LBHD1: variants seen among roughly 807,000 people sequenced by gnomAD.
LBHD1 encodes LBH domain-containing protein 1.
LBHD1 carries 28 observed loss-of-function variants against 31.1 expected under a neutral mutation model. That is an observed-to-expected ratio of 0.90 (90% confidence interval 0.67 to 1.24). The LOEUF is 1.24. Ranked by LOEUF, LBHD1 falls within the 50% of genes most tolerant of loss-of-function variation. The pLI is 0.00. For synonymous variants in LBHD1, 105 were observed against 116.5 expected (o/e 0.90, Z 0.63); for missense variants, 350 against 323.0 (o/e 1.08, Z -0.64).
At chr11:62,664,371 C>T (rs1314274364) in intron 5 of LBHD1, among the ~76,000 whole-genome samples, 3 of 144,952 alleles carry the variant, frequency 2.1e-5, no homozygotes, top group African/African-American at 7.7e-5. Context: ...CACTCTGTGG[C>T]CCAGGCTGGA....
rs544901596 is a variant in LBHD1, at chr11:62,666,682, C to T, written c.538+841G>A. On this transcript the variant is annotated intron_variant, in intron 4 of 6. Transcript: ENST00000354588. ...CTGTGGCTGTGGCCCACATGAATAG[C>T]CTCCTGGAGGGTGGCCCAGGCCAAA... is the stretch of plus-strand genomic sequence containing the variant. The T allele has an allele frequency of 1.5e-4, 236 of 1,614,106 alleles. 1 individual carries two copies. The South Asian group carries it at 2.5e-3, about 17-fold the overall frequency.
rs900832448 is a variant in LBHD1 at position 62,672,194 on chromosome 11, G to C, written c.-641C>G. 20 of 1,418,078 alleles carry C rather than the reference G, an allele frequency of 1.4e-5. No individual in the cohort carries two copies. The African/African-American group carries it at 2.4e-4, about 17-fold the overall frequency. 87.8% of individuals were successfully genotyped at this position (1,418,078 alleles called of 1,614,324 possible). A position where few individuals can be genotyped will look rare whatever the true frequency, so the allele number is the denominator to read the frequency against. Reference sequence around the variant, plus strand: ...GCAGCCTTTCTCCTTCGTGGGCCCAGCGGAGAGTCCGGACCGAGATACCAT... The same window carrying C: ...GCAGCCTTTCTCCTTCGTGGGCCCACCGGAGAGTCCGGACCGAGATACCAT... On this transcript the variant is annotated 5_prime_UTR_variant, in exon 1 of 7. Transcript: ENST00000354588.
chr11:62,669,299 A>C (rs1944896738), intron 3 of LBHD1: 1 of 675,628 alleles, frequency 1.5e-6, no homozygotes, highest in Non-Finnish European at 1.8e-6. Context: ...TGGGAGGCTG[A>C]GGCAGGAGAA....
intron 4 of LBHD1, chr11:62,666,723 G>T (rs759310093): frequency 2.5e-6 from 4 of 1,613,916 alleles, no homozygotes; most frequent in Admixed American, 1.7e-5. Flanking sequence ...CTATGCCCTG[G>T]ACACCCTGCC....
intron 4 of LBHD1, 50 bp from the exon 5 acceptor site, chr11:62,665,023 G>A (rs1045482802): frequency 6.9e-6 from 11 of 1,600,180 alleles, no homozygotes; most frequent in Admixed American, 1.7e-5. Context: ...GCCGCGACCC[G>A]GGGCCCCTCC....
At chr11:62,667,486 TG>T (rs1279378316) in intron 4 of LBHD1, 36 bp downstream of exon 4, 23 of 1,599,416 alleles carry the variant, frequency 1.4e-5, no homozygotes, top group Non-Finnish European at 1.8e-5. Flanking sequence ...TTCATAAACC[TG>T]GATGAGATAT....
intron 6 of LBHD1, 21 bp downstream of exon 6, chr11:62,663,215 C>T (rs1277119680): frequency 6.2e-7 from 1 of 1,613,834 alleles, no homozygotes; most frequent in Admixed American, 1.7e-5. Context: ...TTCCCCTCAC[C>T]CACCTCTGTC....
At chr11:62,666,131 TG>T in intron 4 of LBHD1, 1 of 796,162 alleles carries the variant, frequency 1.3e-6, no homozygotes. Context: ...GCAGATCGCT[TG>T]GCCCAGGAGT....
At chr11:62,665,441 A>G (rs1590847421) in intron 4 of LBHD1, 1 of 1,551,322 alleles carries the variant, frequency 6.4e-7, no homozygotes, top group Non-Finnish European at 8.7e-7. Context: ...CTTGGCGGGG[A>G]TCGGGCTTGT....
intron 1 of LBHD1, 38 bp from the exon 2 acceptor site, chr11:62,670,079 T>C (rs369556962): frequency 2.6e-6 from 4 of 1,546,134 alleles, no homozygotes; most frequent in African/African-American, 1.4e-5. Context: ...AGGAGAGTAC[T>C]GCTGCCCAGT....
At chr11:62,665,700 G>T (rs1381751263) in intron 4 of LBHD1, 6 of 1,459,842 alleles carry the variant, frequency 4.1e-6, no homozygotes, top group African/African-American at 2.8e-5. Context: ...AATAAAGGCC[G>T]TTCCTACCAT....
At position 62,671,605 on chromosome 11, in the gene LBHD1, A is replaced by AGGT; in HGVS notation, c.-55_-53dup. 2.0e-6 allele frequency: 3 copies of AGGT among 1,493,346 alleles called. No homozygotes were observed. The highest frequency in any genetic ancestry group is 2.7e-6 in the Non-Finnish European group (3 of 1,129,744). 92.5% of individuals were successfully genotyped at this position (1,493,346 alleles called of 1,614,324 possible). A position where few individuals can be genotyped will look rare whatever the true frequency, so the allele number is the denominator to read the frequency against. ...CCGGATTCCAAACGTTTCCTCGAGC[A>AGGT]GGTCCTCTCTAGCCGGCCGCTTATC... On this transcript the variant is annotated 5_prime_UTR_variant, in exon 1 of 7. Transcript: ENST00000354588.
At position 62,664,976 on chromosome 11, in the gene LBHD1, G is replaced by A; in HGVS notation, c.539-3C>T. 1 of 1,610,542 alleles carries A rather than the reference G, an allele frequency of 6.2e-7. No individual in the cohort carries two copies. The highest frequency in any genetic ancestry group is 8.5e-7 in the Non-Finnish European group (1 of 1,179,750). On this transcript the variant is annotated splice_region_variant and splice_polypyrimidine_tract_variant and intron_variant, in intron 4 of 6. Coordinates refer to ENST00000354588, the MANE Select transcript of LBHD1 (RefSeq NM_024099.5). ...TTGAACAGCTTCTTCTTCAGCTCCT[G>A]CCGGGGAGAAAGATGCGAATCAGAT... is the stretch of plus-strand genomic sequence containing the variant.
Position 62,672,100 on chromosome 11 carries a change from G to A in LBHD1, c.-547C>T. The A allele has an allele frequency of 1.3e-6, 2 of 1,581,414 alleles. No homozygotes were observed. Among genetic ancestry groups the A allele is most frequent in the East Asian group, 2.3e-5 (1 of 43,516 alleles). ...GGTTGGCGGCGAAGGCGGCGCCGGC[G>A]GGAGGTCACCGTGAGACCGGACTTG... On this transcript the variant is annotated 5_prime_UTR_variant, in exon 1 of 7. Transcript: ENST00000354588.
intron 1 of LBHD1, chr11:62,670,462 C>T (rs892441094): frequency 6.0e-6 from 1 of 167,028 alleles, no homozygotes; most frequent in African/African-American, 2.4e-5. Context: ...AACTGTGAGA[C>T]AAGTACTGTT....
intron 1 of LBHD1, 70 bp from the exon 2 acceptor site, chr11:62,670,111 T>A: frequency 6.8e-7 from 1 of 1,471,088 alleles, no homozygotes; most frequent in African/African-American, 1.4e-5. Context: ...ACTGTTCCTT[T>A]AATCTTCTTT....
rs901886150 is a variant in LBHD1 at position 62,665,369 on chromosome 11, G to C, written c.539-396C>G. 4.1e-6 allele frequency: 4 copies of C among 968,416 alleles called. No homozygotes were observed. In the Admixed American group the frequency reaches 8.8e-5, roughly 21 times the overall value. 60.0% of individuals were successfully genotyped at this position (968,416 alleles called of 1,614,324 possible). On this transcript the variant is annotated intron_variant, in intron 4 of 6. Coordinates refer to ENST00000354588, the MANE Select transcript of LBHD1 (RefSeq NM_024099.5). Reference sequence around the variant, plus strand: ...TTTAGCTGTAGTAGCCAGATTGGGCGGCCGGGAGTGGTGGGGGTGCCGGGT... The same window carrying C: ...TTTAGCTGTAGTAGCCAGATTGGGCCGCCGGGAGTGGTGGGGGTGCCGGGT...
chr11:62,672,154 G>A lies in LBHD1; in HGVS notation c.-601C>T. The A allele has an allele frequency of 6.5e-7, 1 of 1,538,642 alleles. No individual in the cohort carries two copies. Among genetic ancestry groups the A allele is most frequent in the South Asian group, 1.2e-5 (1 of 83,956 alleles). ...CCGTGGGCGCCGGACCTTGGCTTGG[G>A]CGCAGGAATCCGAGGCAGCCTTTCT... On this transcript the variant is annotated 5_prime_UTR_variant, in exon 1 of 7. Transcript: ENST00000354588.
rs772040399 is a variant in LBHD1, at chr11:62,665,124, C to T, written c.539-151G>A. On this transcript the variant is annotated intron_variant, in intron 4 of 6. Coordinates refer to ENST00000354588, the MANE Select transcript of LBHD1 (RefSeq NM_024099.5). ...AGGAAACAAAGTCGCGGCCCCCACACAGTCACCGTTCGGGGCCGGTTGATC... is the reference window on the plus strand; with the variant it reads ...AGGAAACAAAGTCGCGGCCCCCACATAGTCACCGTTCGGGGCCGGTTGATC... The T allele has an allele frequency of 6.1e-5, 71 of 1,170,628 alleles. 1 individual carries two copies. In the South Asian group the frequency reaches 7.7e-4, roughly 13 times the overall value. 72.5% of individuals were successfully genotyped at this position (1,170,628 alleles called of 1,614,324 possible).
Sources: gnomAD v4.1 joint callset for allele counts (sites outside exome capture counted in the v4.1 genomes callset) on GRCh38, gnomAD v4.1.1 for gene constraint, MANE v1.5 for transcripts, NCBI Gene and HGNC (gene_info 2026-07-23, HGNC 2026-07-21) for gene names.